Variants in CALN1 observed in about 807,000 individuals in gnomAD.
The protein encoded by CALN1 is calcium-binding protein 8.
Under a neutral mutation model 30.6 loss-of-function variants are expected in CALN1, and 17 were observed. The ratio of observed to expected loss-of-function variants is 0.56; its 90% CI spans 0.38 to 0.83. CALN1 has a LOEUF of 0.83. Among genes scored for constraint, CALN1 ranks in the 40% least tolerant of loss-of-function variants. The pLI, the probability that CALN1 is intolerant of heterozygous loss-of-function variation, is 0.00. For missense variants in CALN1, 291 were observed against 354.9 expected (o/e 0.82, Z 1.45); for synonymous variants, 156 against 131.4 (o/e 1.19, Z -1.28).
intron 3 of CALN1, among the ~76,000 whole-genome samples, chr7:72,170,128 A>G (rs902683101): frequency 1.3e-5 from 2 of 152,140 alleles, no homozygotes; most frequent in African/African-American, 4.8e-5. Flanking sequence ...TAACTAGGAC[A>G]TGCCTCAGCT....
chr7:72,210,772 A>C (rs928318713), intron 3 of CALN1, among the ~76,000 whole-genome samples: 3 of 152,106 alleles, frequency 2.0e-5, no homozygotes, highest in Non-Finnish European at 4.4e-5. Flanking sequence ...TTACAATGCA[A>C]GATGAGATTT....
intron 5 of CALN1, among the ~76,000 whole-genome samples, chr7:71,907,554 A>G (rs1158150589): frequency 6.6e-6 from 1 of 152,124 alleles, no homozygotes; most frequent in Non-Finnish European, 1.5e-5. Flanking sequence ...TCCTTCCCCT[A>G]TGTGATTTTG....
chr7:72,034,081 C>T (rs558566410), intron 4 of CALN1, among the ~76,000 whole-genome samples: 10 of 152,058 alleles, frequency 6.6e-5, no homozygotes, highest in Admixed American at 1.3e-4. Flanking sequence ...AGGCCAGGTG[C>T]GGTGGCTCAC....
At chr7:72,437,998 A>G (rs185974813) in intron 1 of CALN1, among the ~76,000 whole-genome samples, 2 of 145,494 alleles carry the variant, frequency 1.4e-5, no homozygotes, top group East Asian at 4.1e-4. Flanking sequence ...TTCTTGAGAT[A>G]GAGTCTCAGT....
chr7:72,158,348 T>C (rs557067903), intron 3 of CALN1, among the ~76,000 whole-genome samples: 1 of 151,588 alleles, frequency 6.6e-6, no homozygotes, highest in Non-Finnish European at 1.5e-5. Flanking sequence ...AGAGAAAGAG[T>C]AGGAGGCCCT....
At chr7:72,287,862 TTCTC>T (rs1234941092) in intron 2 of CALN1, among the ~76,000 whole-genome samples, 1 of 152,146 alleles carries the variant, frequency 6.6e-6, no homozygotes, top group Admixed American at 6.6e-5. Flanking sequence ...TTGCAGGAAT[TTCTC>T]TGAACTGCAT....
the CALN1 span, among the ~76,000 whole-genome samples, chr7:72,497,886 T>C: frequency 6.6e-6 from 1 of 152,204 alleles, no homozygotes; most frequent in Admixed American, 6.5e-5. Context: ...AAAAGGACTT[T>C]AAGATAATTC....
Position 72,041,652 on chromosome 7 carries a change from G to A in CALN1, c.389-17883C>T, listed in dbSNP as rs531225106. ...GCCCACCTCAGCCTCCCAAAGTGCT[G>A]GGATTACAGGTGTGAGCCACCACAC... On this transcript the variant is annotated intron_variant, in intron 4 of 6. Coordinates refer to ENST00000395275, the MANE Select transcript of CALN1 (RefSeq NM_031468.4). 2.0e-5 allele frequency among the ~76,000 whole-genome samples: 3 copies of A among 152,224 alleles called. No homozygotes were observed. In the East Asian group the frequency reaches 5.8e-4, roughly 30 times the overall value.
rs7790149 is a variant in CALN1, at chr7:72,200,121, C to T, written c.244+78565G>A. On this transcript the variant is annotated intron_variant, in intron 3 of 6. Transcript: ENST00000395275. ...TCACCTTTCTTCATAAATGTTGATG[C>T]CCCGACAAATCAACTCAAAAAAAGC... Among the ~76,000 whole-genome samples, 32 of 152,222 alleles carry T rather than the reference C, an allele frequency of 2.1e-4. No individual in the cohort carries two copies. In the East Asian group the frequency reaches 6.0e-3, roughly 28 times the overall value.
At chr7:72,144,769 C>T (rs1810222801) in intron 3 of CALN1, among the ~76,000 whole-genome samples, 1 of 152,164 alleles carries the variant, frequency 6.6e-6, no homozygotes, top group African/African-American at 2.4e-5. Flanking sequence ...TTATAACAAA[C>T]TGTCTCTCAG....
intron 3 of CALN1, among the ~76,000 whole-genome samples, chr7:72,145,728 T>C (rs1036108731): frequency 6.6e-6 from 1 of 152,108 alleles, no homozygotes; most frequent in Non-Finnish European, 1.5e-5. Flanking sequence ...CTCAATAAAA[T>C]ACTGGCAAAC....
chr7:71,796,823 G>C (rs956430001), intron 6 of CALN1, among the ~76,000 whole-genome samples: 1 of 152,214 alleles, frequency 6.6e-6, no homozygotes, highest in African/African-American at 2.4e-5. Context: ...GAGTTGAGGA[G>C]GCTGCCGCGG....
In CALN1 at chr7:72,338,525, GTGTC is replaced by G. The variant is rs1554378747; in HGVS notation, c.120-59719_120-59716del. On this transcript the variant is annotated intron_variant, in intron 2 of 6. Transcript: ENST00000395275. ...TGTGTGTGTGTGTGTGTGTGTGTGT[GTGTC>G]TCACCTGGGTGTGGTTTCAGAGTCC... Among the ~76,000 whole-genome samples, 99 of 122,376 alleles carry G rather than the reference GTGTC, an allele frequency of 8.1e-4. 1 individual carries two copies. Among genetic ancestry groups the G allele is most frequent in the African/African-American group, 2.7e-3 (87 of 32,092 alleles). The allele number at this position is 122,376 out of a possible 152,430, so 80.3% of individuals were successfully genotyped here.
chr7:72,159,457 G>T (rs758915374), intron 3 of CALN1, among the ~76,000 whole-genome samples: 1 of 151,952 alleles, frequency 6.6e-6, no homozygotes, highest in Non-Finnish European at 1.5e-5. Flanking sequence ...CTATGACCAC[G>T]CCACTGTACT....
At chr7:72,329,822 C>G (rs1311531033) in intron 2 of CALN1, among the ~76,000 whole-genome samples, 2 of 151,776 alleles carry the variant, frequency 1.3e-5, no homozygotes, top group Non-Finnish European at 2.9e-5. Context: ...GGCGTGGTGC[C>G]ACGCACCTGT....
At chr7:72,178,016 T>C (rs1453066913) in intron 3 of CALN1, among the ~76,000 whole-genome samples, 2 of 152,156 alleles carry the variant, frequency 1.3e-5, no homozygotes, top group African/African-American at 4.8e-5. Context: ...AGAAGTTGAA[T>C]CTGAGGCCTT....
chr7:71,853,084 C>CT (rs1297487473), intron 5 of CALN1, among the ~76,000 whole-genome samples: 25 of 147,546 alleles, frequency 1.7e-4, no homozygotes, highest in East Asian at 4.0e-4. Flanking sequence ...TTATTATTTG[C>CT]TTTTTTTTTT....
intron 2 of CALN1, among the ~76,000 whole-genome samples, chr7:72,388,676 TC>T (rs2129561270): frequency 6.6e-6 from 1 of 152,298 alleles, no homozygotes; most frequent in East Asian, 1.9e-4. Context: ...CTGTGCCCTC[TC>T]CCTAAAAGAT....
chr7:71,793,329 C>G (rs777086642), intron 6 of CALN1, among the ~76,000 whole-genome samples: 3 of 151,998 alleles, frequency 2.0e-5, no homozygotes, highest in Non-Finnish European at 2.9e-5. Flanking sequence ...AAAAAAAGCA[C>G]AGAGGAGCTT....
Sources: allele counts gnomAD v4.1 joint callset (sites outside exome capture counted in the v4.1 genomes callset), GRCh38; gene constraint gnomAD v4.1.1; transcripts MANE v1.5; gene names NCBI Gene and HGNC (gene_info 2026-07-23, HGNC 2026-07-21).